Variants in PCNX4 observed in about 807,000 individuals in gnomAD.
The protein encoded by PCNX4 is pecanex-like protein 4.
A neutral mutation model predicts 107.2 loss-of-function variants in PCNX4; 103 were observed. The observed-to-expected ratio is 0.96, with a 90% CI of 0.82 to 1.13. The LOEUF (loss-of-function observed/expected upper bound fraction) is 1.13. PCNX4 is among the 50% of genes most tolerant of loss of function. The pLI is 0.00. For synonymous variants in PCNX4, 541 were observed against 481.7 expected (o/e 1.12, Z -1.61); for missense variants, 1,528 against 1,379.4 (o/e 1.11, Z -1.71).
At position 60,136,092 on chromosome 14, in the gene PCNX4, A is replaced by G. The variant is rs755648465; in HGVS notation, c.*1871A>G. The G allele has an allele frequency of 6.0e-5, 9 of 148,924 alleles. No individual in the cohort carries two copies. Among genetic ancestry groups the G allele is most frequent in the Non-Finnish European group, 1.2e-4 (8 of 67,768 alleles). 9.2% of individuals were successfully genotyped at this position (148,924 alleles called of 1,614,324 possible). ...TCATTCCAATCTGGATCCCATCTCCATGACTCTCCCAAATTAAAAAAAAAA... is the reference window on the plus strand; with the variant it reads ...TCATTCCAATCTGGATCCCATCTCCGTGACTCTCCCAAATTAAAAAAAAAA... On this transcript the variant is annotated 3_prime_UTR_variant, in exon 11 of 11. Coordinates refer to ENST00000406854, the MANE Select transcript of PCNX4 (RefSeq NM_001330177.2).
Position 60,124,899 on chromosome 14 carries a change from G to A in PCNX4, c.2728G>A (p.Val910Ile), listed in dbSNP as rs754483721. 33 of 1,613,676 alleles carry A rather than the reference G, an allele frequency of 2.0e-5. No individual in the cohort carries two copies. In the Middle Eastern group the frequency reaches 4.9e-4, roughly 24 times the overall value. The change falls in exon 9 of 11, where the codon GTA (valine) becomes ATA (isoleucine). Residue 910 changes from valine to isoleucine, a missense_variant. By Grantham distance (29) the Val-to-Ile change is conservative. Coordinates refer to ENST00000406854, the MANE Select transcript of PCNX4 (RefSeq NM_001330177.2). ...GTTCAGTTGTTCACATTCTCACTTA[G>A]TATGCTTACCCGCAGAGTGGAGGAC... ...MEFSCSHSHL[V>I]CLPAEWRTSC...
intron 1 of PCNX4, among the ~76,000 whole-genome samples, chr14:60,097,912 G>T (rs1342568735): frequency 6.6e-6 from 1 of 152,168 alleles, no homozygotes; most frequent in Non-Finnish European, 1.5e-5. Flanking sequence ...CCCCTTGTCA[G>T]CAGGAAGTAG....
chr14:60,117,512 A>G (rs530960607), intron 6 of PCNX4, among the ~76,000 whole-genome samples: 2 of 152,304 alleles, frequency 1.3e-5, no homozygotes, highest in African/African-American at 4.8e-5. Context: ...GAGTCTCGTT[A>G]TTAGTGAACA....
Position 60,107,852 on chromosome 14 carries a change from A to G in PCNX4, c.214A>G (p.Thr72Ala). The G allele has an allele frequency of 4.3e-6, 7 of 1,612,748 alleles. No individual in the cohort carries two copies. The highest frequency in any genetic ancestry group is 5.1e-6 in the Non-Finnish European group (6 of 1,179,766). Residue 72 changes from threonine to alanine, a missense_variant, in exon 2 of 11, where the codon ACA becomes GCA. Coordinates refer to ENST00000406854, the MANE Select transcript of PCNX4 (RefSeq NM_001330177.2). The part of the protein sequence containing the change: ...YQLGILKDYY[T>A]AALSGGLMLF... Reference sequence around the variant, plus strand: ...GTTAGGCATCCTGAAAGACTATTATACAGCAGCACTTTCAGGTGGATTAAT... The same window carrying G: ...GTTAGGCATCCTGAAAGACTATTATGCAGCAGCACTTTCAGGTGGATTAAT...
At position 60,142,652 on chromosome 14, in the gene PCNX4, A is replaced by G. The variant is rs780977115; in HGVS notation, c.*8431A>G. ...GCTGACAAAAAAGCCTAAGAAAGAA[A>G]GAGGGTGTGTACAGAAAATTACATG... On this transcript the variant is annotated 3_prime_UTR_variant, in exon 11 of 11. Transcript: ENST00000406854. The surrounding 1 kb of genome is among the most constrained non-coding windows in gnomAD (Gnocchi z 4.7). 2.6e-5 allele frequency: 4 copies of G among 152,228 alleles called. No homozygotes were observed. Among genetic ancestry groups the G allele is most frequent in the Non-Finnish European group, 2.9e-5 (2 of 68,052 alleles). The allele number at this position is 152,228 out of a possible 1,614,324, so 9.4% of individuals were successfully genotyped here.
intron 6 of PCNX4, among the ~76,000 whole-genome samples, chr14:60,116,632 A>T (rs1474508565): frequency 1.3e-5 from 2 of 152,232 alleles, no homozygotes; most frequent in Non-Finnish European, 2.9e-5. Context: ...GCAGTACTTG[A>T]CAATAAGCAA....
chr14:60,127,832 A>G (rs1455066998), intron 10 of PCNX4, among the ~76,000 whole-genome samples: 1 of 152,262 alleles, frequency 6.6e-6, no homozygotes, highest in African/African-American at 2.4e-5. Context: ...CATAGTAGTC[A>G]TTATAAATAT....
At chr14:60,122,215 A>G (rs1231769490) in intron 8 of PCNX4, among the ~76,000 whole-genome samples, 1 of 152,166 alleles carries the variant, frequency 6.6e-6, no homozygotes, top group East Asian at 1.9e-4. Flanking sequence ...CTAATTGGTC[A>G]TCCTGCTTCC....
intron 7 of PCNX4, 35 bp from the exon 8 acceptor site, chr14:60,121,161 C>CTTTTTTTTTTTTTTT: frequency 2.7e-6 from 3 of 1,101,176 alleles, no homozygotes; most frequent in Admixed American, 3.4e-5. Flanking sequence ...AAATGATTTT[C>CTTTTTTTTTTTTTTT]TTTTTTTTTT....
chr14:60,104,637 G>A (rs1895596984), intron 1 of PCNX4, among the ~76,000 whole-genome samples: 1 of 152,178 alleles, frequency 6.6e-6, no homozygotes, highest in South Asian at 2.1e-4. Context: ...CATGGTGGAA[G>A]GTGAAAGGCA....
chr14:60,142,163 G>A lies in PCNX4; in HGVS notation c.*7942G>A, dbSNP rs1157033999. The A allele has an allele frequency of 6.6e-6, 1 of 152,132 alleles. No individual in the cohort carries two copies. The highest frequency in any genetic ancestry group is 1.5e-5 in the Non-Finnish European group (1 of 68,034). The allele number at this position is 152,132 out of a possible 1,614,324, so 9.4% of individuals were successfully genotyped here. ...GGCTGATATATGTGTTTACTCTCTT[G>A]ATTGTGGTTATGGTTCACAAGTGTA... On this transcript the variant is annotated 3_prime_UTR_variant, in exon 11 of 11. Transcript: ENST00000406854. The surrounding 1 kb of genome is among the most constrained non-coding windows in gnomAD (Gnocchi z 4.7).
At chr14:60,133,561 A>G in intron 10 of PCNX4, 1 of 423,610 alleles carries the variant, frequency 2.4e-6, no homozygotes, top group South Asian at 1.7e-5. Flanking sequence ...TGAATTGCAT[A>G]TAGTAAGTAA....
rs1260090556 is a variant in PCNX4 at position 60,116,066 on chromosome 14, T to A, written c.1578+6T>A. On this transcript the variant is annotated splice_donor_region_variant and intron_variant, in intron 6 of 10. Transcript: ENST00000406854. ...CAGGACTCAGACTCTTACTGGTAAGTGTGTCTTTTAACAGCTTTACTGAAA... is the reference window on the plus strand; with the variant it reads ...CAGGACTCAGACTCTTACTGGTAAGAGTGTCTTTTAACAGCTTTACTGAAA... 1 of 1,595,418 alleles carries A rather than the reference T, an allele frequency of 6.3e-7. No individual in the cohort carries two copies. The highest frequency in any genetic ancestry group is 1.1e-5 in the South Asian group (1 of 87,362).
chr14:60,145,107 T>C lies in PCNX4; in HGVS notation c.*10886T>C. 1.2e-6 allele frequency: 1 copy of C among 818,372 alleles called. No homozygotes were observed. The highest frequency in any genetic ancestry group is 1.8e-6 in the Non-Finnish European group (1 of 547,232). 50.7% of individuals were successfully genotyped at this position (818,372 alleles called of 1,614,324 possible). A position where few individuals can be genotyped will look rare whatever the true frequency, so the allele number is the denominator to read the frequency against. ...CCTTCTGTTTTGAGGAGCTGTATCATTATGATTCACTATTAAGAATCTTTA... is the reference window on the plus strand; with the variant it reads ...CCTTCTGTTTTGAGGAGCTGTATCACTATGATTCACTATTAAGAATCTTTA... On this transcript the variant is annotated 3_prime_UTR_variant, in exon 11 of 11. Transcript: ENST00000406854. This position sits in a 1 kb window ranked among gnomAD's most constrained non-coding sequence, Gnocchi z 4.0.
At chr14:60,127,753 C>T (rs1013737953) in intron 10 of PCNX4, among the ~76,000 whole-genome samples, 15 of 151,894 alleles carry the variant, frequency 9.9e-5, no homozygotes, top group African/African-American at 2.9e-4. Context: ...ACCCATATAT[C>T]GGGGGAAAAA....
At position 60,139,982 on chromosome 14, in the gene PCNX4, A is replaced by G. The variant is rs1180900021; in HGVS notation, c.*5761A>G. On this transcript the variant is annotated 3_prime_UTR_variant, in exon 11 of 11. Coordinates refer to ENST00000406854, the MANE Select transcript of PCNX4 (RefSeq NM_001330177.2). The stretch of plus-strand genomic sequence containing the variant: ...AAAAAAGATTGAAAATGAACCTAGT[A>G]GTTAAAATATTCTAAGAATAGCAAA... 3.3e-5 allele frequency: 5 copies of G among 152,110 alleles called. No individual in the cohort carries two copies. The highest frequency in any genetic ancestry group is 7.4e-5 in the Non-Finnish European group (5 of 67,996). The allele number at this position is 152,110 out of a possible 1,614,324, so 9.4% of individuals were successfully genotyped here. A position where few individuals can be genotyped will look rare whatever the true frequency, so the allele number is the denominator to read the frequency against.
intron 6 of PCNX4, among the ~76,000 whole-genome samples, chr14:60,117,889 T>C (rs1010196337): frequency 2.0e-5 from 3 of 152,220 alleles, no homozygotes; most frequent in Non-Finnish European, 4.4e-5. Context: ...TAATATTTTG[T>C]AGTATTGAAG....
rs1256869072 is a variant in PCNX4, at chr14:60,118,481, G to A, written c.1731G>A (p.Leu577=). The stretch of plus-strand genomic sequence containing the variant: ...ACATTGTCTTTTCTCCATTCGTGTT[G>A]GTCATCATAGTTTTTTCTACACTAC... The part of the protein sequence containing the change: ...ILNIVFSPFV[L]VIIVFSTLLS... Residue 577 remains leucine (L), a synonymous_variant, in exon 7 of 11, where the codon TTG becomes TTA. Coordinates refer to ENST00000406854, the MANE Select transcript of PCNX4 (RefSeq NM_001330177.2). 5.6e-6 allele frequency: 9 copies of A among 1,613,480 alleles called. 1 individual carries two copies. The Middle Eastern group carries it at 9.9e-4, about 177-fold the overall frequency.
At chr14:60,103,371 A>C (rs1895569077) in intron 1 of PCNX4, among the ~76,000 whole-genome samples, 1 of 152,194 alleles carries the variant, frequency 6.6e-6, no homozygotes, top group South Asian at 2.1e-4. Flanking sequence ...AATTTCAAAG[A>C]TCTCAAAGGC....
Sources: gnomAD v4.1 joint callset for allele counts (sites outside exome capture counted in the v4.1 genomes callset) on GRCh38, gnomAD v4.1.1 for gene constraint, Gnocchi (gnomAD v3.1) non-coding constraint, MANE v1.5 for transcripts, NCBI Gene and HGNC (gene_info 2026-07-23, HGNC 2026-07-21) for gene names.